PLCG2: variants seen among roughly 807,000 people sequenced by gnomAD.
PLCG2 encodes the protein 1-phosphatidylinositol 4,5-bisphosphate phosphodiesterase gamma-2.
In PLCG2, 69 loss-of-function variants were observed where a neutral mutation model predicts 175.6. That is an observed-to-expected ratio of 0.39 (90% CI 0.32 to 0.48). PLCG2 has a LOEUF of 0.48. PLCG2 is among the 20% of genes least tolerant of loss of function. The pLI, the probability that PLCG2 is intolerant of heterozygous loss-of-function variation, is 0.91. For synonymous variants in PLCG2, 827 were observed against 624.0 expected (o/e 1.33, Z -4.85); for missense variants, 1,798 against 1,650.9 (o/e 1.09, Z -1.54).
chr16:81,817,561 C>A (rs1419110190), intron 2 of PLCG2, among the ~76,000 whole-genome samples: 1 of 152,178 alleles, frequency 6.6e-6, no homozygotes, highest in Non-Finnish European at 1.5e-5. Flanking sequence ...AAAACAAGAG[C>A]CCTCAAACTG....
intron 2 of PLCG2, among the ~76,000 whole-genome samples, chr16:81,799,357 A>G (rs1289414066): frequency 6.6e-6 from 1 of 152,210 alleles, no homozygotes; most frequent in African/African-American, 2.4e-5. Context: ...TACTTTAGTA[A>G]TCTGCCTTTT....
At chr16:81,758,663 T>C (rs1909977585) in intron 2 of PLCG2, among the ~76,000 whole-genome samples, 2 of 148,640 alleles carry the variant, frequency 1.3e-5, no homozygotes, top group African/African-American at 4.9e-5. Flanking sequence ...CAATACTTGT[T>C]ATTGTCCATC....
At chr16:81,895,656 A>T in intron 12 of PLCG2, 151 bp from the exon 13 acceptor site, 1 of 752,078 alleles carries the variant, frequency 1.3e-6, no homozygotes, top group Non-Finnish European at 2.2e-6. Context: ...CCCTGCGGAT[A>T]CAGGGAAAGC....
At position 81,856,780 on chromosome 16, in the gene PLCG2, G is replaced by A. The variant is rs78842618; in HGVS notation, c.338-1483G>A. The stretch of plus-strand genomic sequence containing the variant: ...TCCTCTATGGAAAAGGAGACTTGGC[G>A]GGTGTGGTTAAATTGAGGATCTTGA... On this transcript the variant is annotated intron_variant, in intron 3 of 32. Coordinates refer to ENST00000564138, the MANE Select transcript of PLCG2 (RefSeq NM_002661.5). 1.6e-3 allele frequency among the ~76,000 whole-genome samples: 248 copies of A among 152,274 alleles called. 7 individuals are homozygous for A. In the East Asian group the frequency reaches 0.042, roughly 26 times the overall value.
At chr16:81,809,729 C>A (rs563551734) in intron 2 of PLCG2, among the ~76,000 whole-genome samples, 1 of 150,596 alleles carries the variant, frequency 6.6e-6, no homozygotes, top group East Asian at 2.0e-4. Flanking sequence ...CTCCTCTTGC[C>A]CCTGATTGGC....
intron 32 of PLCG2, among the ~76,000 whole-genome samples, chr16:81,957,117 G>A (rs919533983): frequency 3.9e-5 from 6 of 151,962 alleles, no homozygotes; most frequent in African/African-American, 1.5e-4. Context: ...TGCCCAACAT[G>A]GAGAAACCCT....
intron 1 of PLCG2, among the ~76,000 whole-genome samples, chr16:81,739,993 CTG>C (rs146197534): frequency 0.48 from 72,462 of 151,526 alleles, 19,870 homozygotes; most frequent in East Asian, 0.73. Context: ...CAAAAATTAG[CTG>C]TGTGTGGTGG....
intron 2 of PLCG2, among the ~76,000 whole-genome samples, chr16:81,800,982 G>A (rs1235761211): frequency 6.6e-6 from 1 of 152,092 alleles, no homozygotes; most frequent in African/African-American, 2.4e-5. Flanking sequence ...GAATGCAGGT[G>A]GCTTGTGCAA....
At chr16:81,957,018 G>C in intron 32 of PLCG2, 139 bp downstream of exon 32, 1 of 531,082 alleles carries the variant, frequency 1.9e-6, no homozygotes, top group Non-Finnish European at 2.9e-6. Flanking sequence ...TGGCTCACAG[G>C]CCAGGCATGG....
intron 11 of PLCG2, among the ~76,000 whole-genome samples, chr16:81,892,451 T>A (rs1301610225): frequency 6.6e-6 from 1 of 152,118 alleles, no homozygotes; most frequent in Non-Finnish European, 1.5e-5. Context: ...GTGGGGACTT[T>A]CCTAAGTGAC....
At chr16:81,878,075 G>C (rs956985821) in intron 7 of PLCG2, among the ~76,000 whole-genome samples, 1 of 137,028 alleles carries the variant, frequency 7.3e-6, no homozygotes, top group African/African-American at 2.7e-5. Flanking sequence ...TCTGCCTCCC[G>C]GGTTCACGCC....
Position 81,854,566 on chromosome 16 carries a change from C to G in PLCG2, c.316C>G (p.Leu106Val). The G allele has an allele frequency of 1.9e-6, 3 of 1,613,968 alleles. No individual in the cohort carries two copies. The highest frequency in any genetic ancestry group is 2.5e-6 in the Non-Finnish European group (3 of 1,179,822). Residue 106 changes from leucine (L) to valine (V), a missense_variant, in exon 3 of 33, where the codon CTC (leucine) becomes GTC (valine). Leu to Val is a conservative substitution (Grantham distance 32). Coordinates refer to ENST00000564138, the MANE Select transcript of PLCG2 (RefSeq NM_002661.5). ...CATCCTATATGGCACTCAGTTCGTC[C>G]TCAGCACGCTCAGCTTGGCAGGTAG... Reference protein sequence around the residue: ...FTILYGTQFVLSTLSLAADSK... With the variant: ...FTILYGTQFVVSTLSLAADSK...
intron 10 of PLCG2, among the ~76,000 whole-genome samples, chr16:81,890,577 T>C (rs920905015): frequency 2.0e-5 from 3 of 152,170 alleles, no homozygotes; most frequent in Admixed American, 6.5e-5. Context: ...AGTTGAACCA[T>C]TGCAAGCACA....
intron 2 of PLCG2, among the ~76,000 whole-genome samples, chr16:81,771,798 T>G (rs1430217325): frequency 6.6e-6 from 1 of 152,112 alleles, no homozygotes. Context: ...TTGTTTGTTT[T>G]TTTGAGTTGG....
chr16:81,921,011 C>G (rs570251363), intron 20 of PLCG2, among the ~76,000 whole-genome samples, 187 bp from the exon 21 acceptor site: 126 of 152,232 alleles, frequency 8.3e-4, no homozygotes, highest in Non-Finnish European at 1.4e-3. Flanking sequence ...GGGTTAGTTT[C>G]CAAGTCTGGG....
intron 2 of PLCG2, among the ~76,000 whole-genome samples, chr16:81,766,403 C>T (rs761785772): frequency 7.9e-5 from 12 of 152,130 alleles, no homozygotes; most frequent in Non-Finnish European, 1.3e-4. Flanking sequence ...AGCAATCAGG[C>T]CTCTGTACTT....
chr16:81,867,978 C>T (rs904138449), intron 5 of PLCG2, among the ~76,000 whole-genome samples: 3 of 152,320 alleles, frequency 2.0e-5, no homozygotes, highest in Admixed American at 6.5e-5. Flanking sequence ...GGATTACAGG[C>T]GTGAGCCACC....
intron 1 of PLCG2, among the ~76,000 whole-genome samples, chr16:81,783,865 G>A (rs1219063355): frequency 6.6e-6 from 1 of 152,032 alleles, no homozygotes. Flanking sequence ...CTGCCTCCTA[G>A]CCTTTGCTTA....
chr16:81,899,609 C>G (rs9940401), intron 13 of PLCG2, among the ~76,000 whole-genome samples: 2,878 of 152,226 alleles, frequency 0.019, 97 homozygotes, highest in African/African-American at 0.067. Flanking sequence ...TCCTCACCAT[C>G]TGTTGACTGC....
Sources: allele counts gnomAD v4.1 joint callset (sites outside exome capture counted in the v4.1 genomes callset), GRCh38; gene constraint gnomAD v4.1.1; transcripts MANE v1.5; gene names NCBI Gene and HGNC (gene_info 2026-07-23, HGNC 2026-07-21).